ZMIZ1: variants seen among roughly 807,000 people sequenced by gnomAD.
The protein encoded by ZMIZ1 is zinc finger MIZ-type containing 1, also known as zinc finger MIZ domain-containing protein 1.
In ZMIZ1, 17 loss-of-function variants were observed where a neutral mutation model predicts 113.9. The ratio of observed to expected loss-of-function variants is 0.15; its 90% CI spans 0.10 to 0.22. The LOEUF (loss-of-function observed/expected upper bound fraction) is 0.22, where lower values mean the gene tolerates loss of function less well. Ranked by LOEUF, ZMIZ1 falls within the 10% of genes least tolerant of loss-of-function variation. ZMIZ1 has a pLI of 1.00. For missense variants in ZMIZ1, 1,059 were observed against 1,477.8 expected (o/e 0.72, Z 4.65); for synonymous variants, 607 against 603.1 (o/e 1.01, Z -0.09).
At chr10:79,289,194 G>A (rs1281266070) in intron 8 of ZMIZ1, among the ~76,000 whole-genome samples, 1 of 152,156 alleles carries the variant, frequency 6.6e-6, no homozygotes, top group Admixed American at 6.5e-5. Context: ...GCAGGAGAGG[G>A]TGTGCAGCAG....
intron 3 of ZMIZ1, among the ~76,000 whole-genome samples, chr10:79,146,760 G>A (rs893681963): frequency 2.6e-5 from 4 of 152,168 alleles, no homozygotes; most frequent in African/African-American, 7.2e-5. Context: ...TCCCGCTTCC[G>A]CCCCGACTCT....
At chr10:79,249,810 C>G (rs899890636) in intron 7 of ZMIZ1, among the ~76,000 whole-genome samples, 3 of 152,144 alleles carry the variant, frequency 2.0e-5, no homozygotes, top group African/African-American at 7.2e-5. Flanking sequence ...CTGCTCCTCT[C>G]CCTTTCCCCC....
chr10:79,237,624 A>G (rs1849646630), intron 7 of ZMIZ1, among the ~76,000 whole-genome samples: 1 of 152,156 alleles, frequency 6.6e-6, no homozygotes, highest in Non-Finnish European at 1.5e-5. Flanking sequence ...CTCTGTGTCT[A>G]AACTTCTTTT....
rs373448144 is a variant in ZMIZ1, at chr10:79,274,334, C to T, written c.281-2847C>T. 3.0e-4 allele frequency among the ~76,000 whole-genome samples: 46 copies of T among 152,364 alleles called. No individual in the cohort carries two copies. The East Asian group carries it at 8.5e-3, about 28-fold the overall frequency. On this transcript the variant is annotated intron_variant, in intron 7 of 24. Transcript: ENST00000334512. ...CAGGTCAAAGAAGCATGCAGGCCAG[C>T]CCCGCCTAATTAGAGCAGACAGACT...
At chr10:79,095,312 A>G (rs896785686) in intron 1 of ZMIZ1, among the ~76,000 whole-genome samples, 16 of 152,258 alleles carry the variant, frequency 1.1e-4, no homozygotes, top group Non-Finnish European at 1.3e-4. Context: ...ATCTGTTTTG[A>G]GGGCAGAACG....
intron 1 of ZMIZ1, among the ~76,000 whole-genome samples, chr10:79,093,163 C>T (rs1371581433): frequency 1.4e-5 from 2 of 144,878 alleles, no homozygotes; most frequent in East Asian, 3.9e-4. Context: ...CACACACACA[C>T]ACACACACAC....
chr10:79,180,010 G>A (rs533531396), intron 4 of ZMIZ1, among the ~76,000 whole-genome samples: 2 of 152,368 alleles, frequency 1.3e-5, no homozygotes, highest in Admixed American at 1.3e-4. Flanking sequence ...TCATCCACTC[G>A]TTCTGTCTCC....
chr10:79,219,021 A>G (rs1225816257), intron 7 of ZMIZ1, among the ~76,000 whole-genome samples: 1 of 150,632 alleles, frequency 6.6e-6, no homozygotes, highest in Non-Finnish European at 1.5e-5. Flanking sequence ...TCGGGCTATA[A>G]AAGAACAGAT....
At chr10:79,264,569 T>C (rs1243500952) in intron 7 of ZMIZ1, among the ~76,000 whole-genome samples, 1 of 152,108 alleles carries the variant, frequency 6.6e-6, no homozygotes, top group East Asian at 1.9e-4. Context: ...ATCCCTAGGG[T>C]AAGATGACAG....
chr10:79,294,129 TC>T (rs1274389638), intron 12 of ZMIZ1: 1 of 207,122 alleles, frequency 4.8e-6, no homozygotes, highest in Non-Finnish European at 1.0e-5. Flanking sequence ...GCAGCGTGTT[TC>T]CAGTCTGTAA....
At chr10:79,083,097 A>G (rs1046608600) in intron 1 of ZMIZ1, among the ~76,000 whole-genome samples, 1 of 152,276 alleles carries the variant, frequency 6.6e-6, no homozygotes, top group African/African-American at 2.4e-5. Context: ...TAGGCGAGAC[A>G]GTCAGCAGGT....
chr10:79,290,469 C>G (rs980476680), intron 9 of ZMIZ1, among the ~76,000 whole-genome samples: 1 of 152,196 alleles, frequency 6.6e-6, no homozygotes, highest in Non-Finnish European at 1.5e-5. Context: ...CTGGGCTGAC[C>G]GGTTGTCGCC....
At chr10:79,225,896 C>T (rs1232006512) in intron 7 of ZMIZ1, among the ~76,000 whole-genome samples, 1 of 152,198 alleles carries the variant, frequency 6.6e-6, no homozygotes, top group Non-Finnish European at 1.5e-5. Context: ...TCTCTGCCTT[C>T]ACGGCTGCAG....
At chr10:79,286,918 A>G (rs1649270970) in intron 8 of ZMIZ1, among the ~76,000 whole-genome samples, 1 of 152,114 alleles carries the variant, frequency 6.6e-6, no homozygotes, top group Non-Finnish European at 1.5e-5. Context: ...TTCTCAAAGG[A>G]TAGGAACTTC....
At chr10:79,129,021 G>A (rs1294317737) in intron 2 of ZMIZ1, among the ~76,000 whole-genome samples, 1 of 152,222 alleles carries the variant, frequency 6.6e-6, no homozygotes, top group African/African-American at 2.4e-5. Context: ...CACTTGGTAT[G>A]TGTTAGCTGG....
intron 7 of ZMIZ1, among the ~76,000 whole-genome samples, chr10:79,230,672 C>T (rs1169437423): frequency 2.0e-5 from 3 of 152,178 alleles, no homozygotes; most frequent in African/African-American, 7.2e-5. Context: ...CTGTTGAGCT[C>T]CCTGGGGAAG....
chr10:79,188,088 C>T (rs145503372), intron 4 of ZMIZ1, among the ~76,000 whole-genome samples: 30 of 152,200 alleles, frequency 2.0e-4, no homozygotes, highest in Admixed American at 5.2e-4. Context: ...CATAAAATAC[C>T]AAATATGCTG....
chr10:79,107,913 G>A (rs1467422730), intron 1 of ZMIZ1, among the ~76,000 whole-genome samples: 1 of 152,156 alleles, frequency 6.6e-6, no homozygotes, highest in Non-Finnish European at 1.5e-5. Flanking sequence ...GAGGGCCCTG[G>A]CATGGGGTAA....
At chr10:79,181,517 C>G (rs186307098) in intron 4 of ZMIZ1, among the ~76,000 whole-genome samples, 135 of 152,322 alleles carry the variant, frequency 8.9e-4, no homozygotes, top group Non-Finnish European at 1.5e-3. Context: ...CGGCTGCAAC[C>G]AGACCCCAGA....
Sources: allele counts gnomAD v4.1 joint callset (sites outside exome capture counted in the v4.1 genomes callset), GRCh38; gene constraint gnomAD v4.1.1; transcripts MANE v1.5; gene names NCBI Gene and HGNC (gene_info 2026-07-23, HGNC 2026-07-21).